C1orf174: variants seen among roughly 807,000 people sequenced by gnomAD.
The protein encoded by C1orf174 is UPF0688 protein C1orf174.
A neutral mutation model predicts 18.4 loss-of-function variants in C1orf174; 13 were observed. The observed-to-expected ratio is 0.71, with a 90% CI of 0.46 to 1.12. The LOEUF (loss-of-function observed/expected upper bound fraction) is 1.12. C1orf174 is among the 50% of genes most tolerant of loss of function. C1orf174 has a pLI of 0.00. For missense variants in C1orf174, 309 were observed against 308.0 expected, an observed-to-expected ratio of 1.00 and a Z score of -0.02; for synonymous variants, 100 against 118.3, an observed-to-expected ratio of 0.85 and a Z score of 1.01.
chr1:3,893,580 G>A (rs1285355871), intron 1 of C1orf174, among the ~76,000 whole-genome samples: 3 of 152,088 alleles, frequency 2.0e-5, no homozygotes, highest in Non-Finnish European at 2.9e-5. Flanking sequence ...AATAATTTTC[G>A]GCATTCAGAA....
chr1:3,899,480 T>G (rs1638667938), intron 1 of C1orf174, among the ~76,000 whole-genome samples: 1 of 145,570 alleles, frequency 6.9e-6, no homozygotes, highest in Admixed American at 6.7e-5. Flanking sequence ...CAATGAGCAC[T>G]TGCCCCTTGC....
chr1:3,891,838 G>A, intron 2 of C1orf174: 1 of 984,686 alleles, frequency 1.0e-6, no homozygotes, highest in Non-Finnish European at 1.2e-6. Flanking sequence ...ACACACACGG[G>A]TGGGCAGGTG....
rs150305532 is a variant in C1orf174 at position 3,892,980 on chromosome 1, C to T, written c.32G>A (p.Arg11Gln). The change falls in exon 2 of 4, where the codon CGG becomes CAG. Residue 11 changes from arginine (R) to glutamine (Q), a missense_variant. Arg to Gln is a conservative substitution (Grantham distance 43). Coordinates refer to ENST00000361605, the MANE Select transcript of C1orf174 (RefSeq NM_207356.3). Reference protein sequence around the residue: MRSRKLTGAVRSSARLKARSC... With the variant: MRSRKLTGAVQSSARLKARSC... ...TCGTGCTTTCAAGCGCGCTGAAGAC[C>T]GCACTGCACCTGTGAGCTAGAGAGA... 1.8e-4 allele frequency: 285 copies of T among 1,613,760 alleles called. No individual in the cohort carries two copies. The highest frequency in any genetic ancestry group is 2.2e-4 in the Non-Finnish European group (261 of 1,179,858).
chr1:3,898,539 AC>A (rs1411146434), intron 1 of C1orf174, among the ~76,000 whole-genome samples: 2 of 151,504 alleles, frequency 1.3e-5, no homozygotes, highest in African/African-American at 4.9e-5. Flanking sequence ...AACAACAACA[AC>A]AACAACAACA....
At chr1:3,890,529 T>A (rs377698348) in intron 3 of C1orf174, 40 bp downstream of exon 3, 1 of 1,605,738 alleles carries the variant, frequency 6.2e-7, no homozygotes, top group Non-Finnish European at 8.5e-7. Flanking sequence ...GTGCAGCTGC[T>A]GCCTGAGTAC....
chr1:3,891,478 C>CAGT, intron 2 of C1orf174: 1 of 494,638 alleles, frequency 2.0e-6, no homozygotes. Flanking sequence ...GCCTGGCACA[C>CAGT]AGTAGGTGCT....
In C1orf174 at chr1:3,891,572, A is replaced by G. The variant is rs534724240; in HGVS notation, c.130-515T>C. On this transcript the variant is annotated intron_variant, in intron 2 of 3. Coordinates refer to ENST00000361605, the MANE Select transcript of C1orf174 (RefSeq NM_207356.3). ...AAAGCTCTGTGCTACACGCTGGCAT[A>G]TGGCCAAGTCCTAACCCCTCAACTG... The G allele has an allele frequency of 4.1e-6, 4 of 985,838 alleles. No homozygotes were observed. The South Asian group carries it at 1.4e-4, about 34-fold the overall frequency. 61.1% of individuals were successfully genotyped at this position (985,838 alleles called of 1,614,324 possible).
rs1432991848 is a variant in C1orf174, at chr1:3,889,279, A to T, written c.*681T>A. The T allele has an allele frequency of 6.6e-6, 1 of 152,210 alleles. No individual in the cohort carries two copies. The highest frequency in any genetic ancestry group is 1.5e-5 in the Non-Finnish European group (1 of 68,040). 9.4% of individuals were successfully genotyped at this position (152,210 alleles called of 1,614,324 possible). On this transcript the variant is annotated 3_prime_UTR_variant, in exon 4 of 4. Coordinates refer to ENST00000361605, the MANE Select transcript of C1orf174 (RefSeq NM_207356.3). Reference sequence around the variant, plus strand: ...GAATCATCAAATTATGATAATGGAAAACAAACTTGCCTATGACCAAAGCTA... The same window carrying T: ...GAATCATCAAATTATGATAATGGAATACAAACTTGCCTATGACCAAAGCTA...
chr1:3,899,665 G>A (rs577075399), intron 1 of C1orf174, among the ~76,000 whole-genome samples: 1 of 152,368 alleles, frequency 6.6e-6, no homozygotes, highest in South Asian at 2.1e-4. Flanking sequence ...AGCACTACCA[G>A]GAGTTGAAAC....
rs79430477 is a variant in C1orf174 at position 3,895,176 on chromosome 1, T to C, written c.16-2180A>G. The C allele has an allele frequency of 3.6e-3, 555 of 152,498 alleles. 2 individuals are homozygous for C. The highest frequency in any genetic ancestry group is 0.02 in the Middle Eastern group (6 of 296). 9.4% of individuals were successfully genotyped at this position (152,498 alleles called of 1,614,324 possible). ...TGTGTGGGGAGCCCAGCTCGGTGCCTGAACAGCTTTAAAGGAGTGGCACAC... is the reference window on the plus strand; with the variant it reads ...TGTGTGGGGAGCCCAGCTCGGTGCCCGAACAGCTTTAAAGGAGTGGCACAC... On this transcript the variant is annotated intron_variant, in intron 1 of 3. Coordinates refer to ENST00000361605, the MANE Select transcript of C1orf174 (RefSeq NM_207356.3).
At position 3,897,051 on chromosome 1, in the gene C1orf174, T is replaced by TG. The variant is rs1181086299; in HGVS notation, c.15+3120dup. Reference sequence around the variant, plus strand: ...TATTAACAATGACAAGCCCCAGGGTTGGGGACAGTACCCAGAATTGCTAAA... The same window carrying TG: ...TATTAACAATGACAAGCCCCAGGGTTGGGGGACAGTACCCAGAATTGCTAAA... On this transcript the variant is annotated intron_variant, in intron 1 of 3. Coordinates refer to ENST00000361605, the MANE Select transcript of C1orf174 (RefSeq NM_207356.3). 3.3e-5 allele frequency among the ~76,000 whole-genome samples: 5 copies of TG among 152,348 alleles called. No homozygotes were observed. In the East Asian group the frequency reaches 9.6e-4, roughly 29 times the overall value.
At position 3,889,289 on chromosome 1, in the gene C1orf174, C is replaced by T. The variant is rs546965216; in HGVS notation, c.*671G>A. On this transcript the variant is annotated 3_prime_UTR_variant, in exon 4 of 4. Transcript: ENST00000361605. ...ATTATGATAATGGAAAACAAACTTG[C>T]CTATGACCAAAGCTACTGAGCTGAA... is the stretch of plus-strand genomic sequence containing the variant. 1 of 152,218 alleles carries T rather than the reference C, an allele frequency of 6.6e-6. No homozygotes were observed. The highest frequency in any genetic ancestry group is 6.5e-5 in the Admixed American group (1 of 15,294). 9.4% of individuals were successfully genotyped at this position (152,218 alleles called of 1,614,324 possible). A position where few individuals can be genotyped will look rare whatever the true frequency, so the allele number is the denominator to read the frequency against.
At chr1:3,893,549 C>T (rs1309134769) in intron 1 of C1orf174, among the ~76,000 whole-genome samples, 1 of 152,088 alleles carries the variant, frequency 6.6e-6, no homozygotes, top group African/African-American at 2.4e-5. Context: ...AAAGACATAA[C>T]ATTTAAAATA....
At chr1:3,894,566 C>A (rs1638571373) in intron 1 of C1orf174, among the ~76,000 whole-genome samples, 1 of 147,304 alleles carries the variant, frequency 6.8e-6, no homozygotes, top group Non-Finnish European at 1.5e-5. Context: ...GAGATTGCGC[C>A]ACCGCACTCC....
chr1:3,894,002 G>A (rs1419602141), intron 1 of C1orf174, among the ~76,000 whole-genome samples: 1 of 152,226 alleles, frequency 6.6e-6, no homozygotes, highest in Non-Finnish European at 1.5e-5. Flanking sequence ...TAAGAAATTA[G>A]TGACATTACG....
In C1orf174 at chr1:3,892,880, C is replaced by T; in HGVS notation, c.129+3G>A. ...TGGCGTTCTCCACGGTAACAGGGCT[C>T]ACCAGACATGCTGTCTTGGCAGACG... On this transcript the variant is annotated splice_donor_region_variant and intron_variant, in intron 2 of 3. Transcript: ENST00000361605. 2 of 1,614,036 alleles carry T rather than the reference C, an allele frequency of 1.2e-6. No homozygotes were observed. Among genetic ancestry groups the T allele is most frequent in the Non-Finnish European group, 1.7e-6 (2 of 1,179,944 alleles).
At position 3,892,675 on chromosome 1, in the gene C1orf174, T is replaced by C. The variant is rs950841318; in HGVS notation, c.129+208A>G. The C allele has an allele frequency of 1.1e-5, 16 of 1,397,296 alleles. No homozygotes were observed. In the African/African-American group the frequency reaches 1.5e-4, roughly 13 times the overall value. The allele number at this position is 1,397,296 out of a possible 1,614,324, so 86.6% of individuals were successfully genotyped here. ...CTAGACACACACACGGGTGGGCGGGTGCTAGGAGAGCCAGCCCTGGCCTGC... is the reference window on the plus strand; with the variant it reads ...CTAGACACACACACGGGTGGGCGGGCGCTAGGAGAGCCAGCCCTGGCCTGC... On this transcript the variant is annotated intron_variant, in intron 2 of 3. Transcript: ENST00000361605.
intron 1 of C1orf174, among the ~76,000 whole-genome samples, chr1:3,894,520 T>C (rs1375429678): frequency 1.2e-4 from 17 of 143,082 alleles, no homozygotes; most frequent in Admixed American, 9.7e-4. Flanking sequence ...GGCAGGAGAA[T>C]GGCGTGAACC....
chr1:3,891,192 T>G, intron 2 of C1orf174, 135 bp from the exon 3 acceptor site: 2 of 1,192,986 alleles, frequency 1.7e-6, no homozygotes, highest in Non-Finnish European at 2.3e-6. Context: ...GATCGTCATT[T>G]CACTGTTTTG....
Sources: allele counts gnomAD v4.1 joint callset (sites outside exome capture counted in the v4.1 genomes callset), GRCh38; gene constraint gnomAD v4.1.1; transcripts MANE v1.5; gene names NCBI Gene and HGNC (gene_info 2026-07-23, HGNC 2026-07-21).